The following COLEC11 variants were observed in gnomAD, a reference collection of about 807,000 sequenced individuals.
The protein encoded by COLEC11 is collectin subfamily member 11.
Under a neutral mutation model 27.3 loss-of-function variants are expected in COLEC11, and 20 were observed. The observed-to-expected ratio is 0.73, with a 90% CI of 0.51 to 1.06. The LOEUF (loss-of-function observed/expected upper bound fraction) is 1.06. COLEC11 is among the 50% of genes least tolerant of loss of function. COLEC11 has a pLI of 0.00. For missense variants in COLEC11, 310 were observed against 383.0 expected (o/e 0.81, Z 1.59); for synonymous variants, 163 against 154.7 (o/e 1.05, Z -0.40).
chr2:3,623,059 G>A (rs1171660522), intron 3 of COLEC11, among the ~76,000 whole-genome samples: 1 of 152,110 alleles, frequency 6.6e-6, no homozygotes, highest in African/African-American at 2.4e-5. Context: ...GGCTTTGTGA[G>A]TACATAATCT....
intron 1 of COLEC11, among the ~76,000 whole-genome samples, chr2:3,599,658 G>C (rs979129173): frequency 5.9e-5 from 9 of 152,224 alleles, no homozygotes; most frequent in Admixed American, 2.0e-4. Context: ...GTGGTTCAGT[G>C]GATTTGTAGC....
chr2:3,601,192 G>C (rs1455235071), intron 1 of COLEC11, among the ~76,000 whole-genome samples: 1 of 152,238 alleles, frequency 6.6e-6, no homozygotes, highest in African/African-American at 2.4e-5. Flanking sequence ...GCCGGGATTT[G>C]AGTAGGGTCG....
intron 3 of COLEC11, among the ~76,000 whole-genome samples, chr2:3,634,037 A>G (rs767164343): frequency 1.1e-4 from 16 of 152,196 alleles, no homozygotes; most frequent in Non-Finnish European, 1.9e-4. Context: ...TGCCCTCACA[A>G]ACTCATCTTG....
rs138441935 is a variant in COLEC11 at position 3,643,794 on chromosome 2, G to A, written c.492G>A (p.Ala164=). Residue 164 remains alanine, a synonymous_variant, in exon 7 of 7, where the codon GCG becomes GCA. Transcript: ENST00000349077. The part of the protein sequence containing the change: ...YLLVKEEKRY[A]DAQLSCQGRG... Reference sequence around the variant, plus strand: ...TGGTGAAGGAGGAGAAGCGCTACGCGGACGCCCAGCTGTCCTGCCAGGGCC... The same window carrying A: ...TGGTGAAGGAGGAGAAGCGCTACGCAGACGCCCAGCTGTCCTGCCAGGGCC... 6.8e-5 allele frequency: 110 copies of A among 1,613,456 alleles called. No homozygotes were observed. The highest frequency in any genetic ancestry group is 2.7e-4 in the Admixed American group (16 of 60,016).
intron 2 of COLEC11, among the ~76,000 whole-genome samples, chr2:3,608,198 C>T (rs1662887461): frequency 6.6e-6 from 1 of 152,184 alleles, no homozygotes; most frequent in Non-Finnish European, 1.5e-5. Flanking sequence ...ACATGATTTG[C>T]AGGGAAGCCA....
intron 3 of COLEC11, among the ~76,000 whole-genome samples, chr2:3,615,252 G>A (rs1001897244): frequency 5.3e-5 from 8 of 152,208 alleles, no homozygotes; most frequent in Non-Finnish European, 7.3e-5. Flanking sequence ...AAGTGAACAA[G>A]GGTCTCTGGT....
At chr2:3,634,689 G>A (rs918071335) in intron 3 of COLEC11, among the ~76,000 whole-genome samples, 14 of 148,042 alleles carry the variant, frequency 9.5e-5, no homozygotes, top group Non-Finnish European at 1.1e-4. Flanking sequence ...ATCTGCCATC[G>A]GGAAGAGCAG....
intron 3 of COLEC11, among the ~76,000 whole-genome samples, chr2:3,627,293 T>TGGGCACGATGATGGG (rs1423599410): frequency 3.3e-5 from 4 of 120,208 alleles, no homozygotes; most frequent in African/African-American, 1.3e-4. Context: ...ATGACGACAC[T>TGGGCACGATGATGGG]GGGCACGATG....
intron 5 of COLEC11, 123 bp from the exon 6 acceptor site, chr2:3,643,321 C>A (rs1666007637): frequency 1.2e-6 from 1 of 803,434 alleles, no homozygotes; most frequent in Non-Finnish European, 2.2e-6. Flanking sequence ...GTTATTGCGG[C>A]CTCAAAGGCC....
intron 3 of COLEC11, among the ~76,000 whole-genome samples, chr2:3,630,242 CGTATGT>C: frequency 6.6e-6 from 1 of 151,970 alleles, no homozygotes; most frequent in Non-Finnish European, 1.5e-5. Context: ...CAGGGTAGTA[CGTATGT>C]GTATGTGTAC....
chr2:3,613,964 TTTTCTTTC>T (rs202066102), intron 3 of COLEC11, among the ~76,000 whole-genome samples: 1 of 140,424 alleles, frequency 7.1e-6, no homozygotes, highest in Non-Finnish European at 1.5e-5. Context: ...TGTTTTTTCT[TTTTCTTTC>T]TTTCTTTCTT....
At chr2:3,625,550 G>T (rs552117556) in intron 3 of COLEC11, among the ~76,000 whole-genome samples, 1 of 151,378 alleles carries the variant, frequency 6.6e-6, no homozygotes, top group Non-Finnish European at 1.5e-5. Context: ...GGGGAGGGGC[G>T]TTTAGCACTC....
intron 1 of COLEC11, among the ~76,000 whole-genome samples, chr2:3,597,532 G>A (rs144586736): frequency 9.7e-4 from 148 of 152,364 alleles, no homozygotes; most frequent in African/African-American, 3.4e-3. Flanking sequence ...GGGAGACGGA[G>A]CCTGATCTTT....
intron 4 of COLEC11, 30 bp from the exon 5 acceptor site, chr2:3,640,247 TG>T: frequency 7.0e-7 from 1 of 1,429,116 alleles, no homozygotes; most frequent in Non-Finnish European, 9.9e-7. Flanking sequence ...CATCTCTGCC[TG>T]GTGACTTGGA....
chr2:3,609,550 A>G lies in COLEC11; in HGVS notation c.131-3761A>G, dbSNP rs1436871076. ...ACATCCTGCTATTTTTTTTTTTGAA[A>G]TGGAGTTTCGCTCTTGTTGCCCAGG... On this transcript the variant is annotated intron_variant, in intron 2 of 6. Coordinates refer to ENST00000349077, the MANE Select transcript of COLEC11 (RefSeq NM_024027.5). Among the ~76,000 whole-genome samples, 14 of 130,776 alleles carry G rather than the reference A, an allele frequency of 1.1e-4. 1 individual carries two copies. The highest frequency in any genetic ancestry group is 3.6e-4 in the African/African-American group (14 of 38,538). 85.8% of individuals were successfully genotyped at this position (130,776 alleles called of 152,430 possible). A position where few individuals can be genotyped will look rare whatever the true frequency, so the allele number is the denominator to read the frequency against.
chr2:3,616,048 G>A (rs1304713196), intron 3 of COLEC11, among the ~76,000 whole-genome samples: 5 of 151,304 alleles, frequency 3.3e-5, no homozygotes, highest in African/African-American at 4.9e-5. Flanking sequence ...GAGGCGGGGC[G>A]GCCGGGCAGA....
At chr2:3,617,041 G>A (rs1168546074) in intron 3 of COLEC11, among the ~76,000 whole-genome samples, 2 of 152,122 alleles carry the variant, frequency 1.3e-5, no homozygotes. Flanking sequence ...TGAAACTGTA[G>A]GGATCTCTTC....
chr2:3,632,478 G>C (rs563614174), intron 3 of COLEC11, among the ~76,000 whole-genome samples: 1 of 152,324 alleles, frequency 6.6e-6, no homozygotes, highest in East Asian at 1.9e-4. Flanking sequence ...GTGTCTTCCT[G>C]CTGCGTCTCA....
At chr2:3,615,884 C>T (rs538644572) in intron 3 of COLEC11, among the ~76,000 whole-genome samples, 1 of 146,120 alleles carries the variant, frequency 6.8e-6, no homozygotes, top group African/African-American at 2.5e-5. Flanking sequence ...GACGCGGCGG[C>T]TGGCCGGGCG....
Sources: allele counts gnomAD v4.1 joint callset (sites outside exome capture counted in the v4.1 genomes callset), GRCh38; gene constraint gnomAD v4.1.1; transcripts MANE v1.5; gene names NCBI Gene and HGNC (gene_info 2026-07-23, HGNC 2026-07-21).